Variants in LRRC4C observed in about 807,000 individuals in gnomAD.
The protein encoded by LRRC4C is leucine-rich repeat-containing protein 4C.
Under a neutral mutation model 33.6 loss-of-function variants are expected in LRRC4C, and 5 were observed. The observed-to-expected ratio is 0.15, with a 90% CI of 0.08 to 0.31. The LOEUF is 0.31. Ranked by LOEUF, LRRC4C falls within the 10% of genes least tolerant of loss-of-function variation. LRRC4C has a pLI of 1.00. For missense variants in LRRC4C, 560 were observed against 796.7 expected (o/e 0.70, Z 3.58); for synonymous variants, 329 against 302.0 (o/e 1.09, Z -0.93).
intron 4 of LRRC4C, among the ~76,000 whole-genome samples, chr11:40,308,350 C>T (rs748664086): frequency 6.6e-6 from 1 of 152,158 alleles, no homozygotes; most frequent in Non-Finnish European, 1.5e-5. Flanking sequence ...GATTAAAGAT[C>T]CAACATTAAC....
At chr11:40,703,556 A>G (rs867639832) in intron 2 of LRRC4C, among the ~76,000 whole-genome samples, 1 of 152,102 alleles carries the variant, frequency 6.6e-6, no homozygotes, top group Admixed American at 6.6e-5. Context: ...GTGAGACCCT[A>G]TCTCAAAAGA....
At chr11:40,509,510 ATT>A (rs1011271752) in intron 3 of LRRC4C, among the ~76,000 whole-genome samples, 1 of 150,126 alleles carries the variant, frequency 6.7e-6, no homozygotes, top group Non-Finnish European at 1.5e-5. Context: ...TTATTTATTT[ATT>A]TTTTTTTGCG....
intron 3 of LRRC4C, among the ~76,000 whole-genome samples, chr11:40,431,337 G>A (rs990035365): frequency 2.7e-5 from 4 of 146,966 alleles, no homozygotes; most frequent in Non-Finnish European, 4.5e-5. Flanking sequence ...AGAGGTTGCA[G>A]TGAGCCAACA....
At chr11:41,046,142 A>G (rs1006120533) in intron 1 of LRRC4C, among the ~76,000 whole-genome samples, 1 of 152,156 alleles carries the variant, frequency 6.6e-6, no homozygotes, top group Admixed American at 6.5e-5. Context: ...ATGCTAATAA[A>G]GGAATAACTC....
chr11:40,546,084 A>T (rs77261540), intron 3 of LRRC4C, among the ~76,000 whole-genome samples: 8,119 of 134,984 alleles, frequency 0.06, 256 homozygotes, highest in East Asian at 0.089. Context: ...CTTCCTTCCT[A>T]CCTTCCTTCC....
intron 1 of LRRC4C, among the ~76,000 whole-genome samples, chr11:41,164,060 C>T (rs1481011034): frequency 6.6e-6 from 1 of 152,084 alleles, no homozygotes; most frequent in African/African-American, 2.4e-5. Flanking sequence ...TCACCTCAAA[C>T]ATTTATCAAT....
intron 3 of LRRC4C, among the ~76,000 whole-genome samples, chr11:40,369,036 A>T (rs1359938791): frequency 6.6e-6 from 1 of 152,222 alleles, no homozygotes; most frequent in Non-Finnish European, 1.5e-5. Flanking sequence ...TGGTTGATAC[A>T]TAATAAGGTA....
chr11:40,154,297 A>C lies in LRRC4C; in HGVS notation c.-95-13444T>G, dbSNP rs951243658. Among the ~76,000 whole-genome samples the C allele has an allele frequency of 9.3e-4, 141 of 151,730 alleles. 1 individual carries two copies. Among genetic ancestry groups the C allele is most frequent in the African/African-American group, 3.3e-3 (135 of 41,238 alleles). ...ATACAAGCTAAAAAGCAAAAAAAAAAAAAAAACAAAAAGCAAAGTACACAG... is the reference window on the plus strand; with the variant it reads ...ATACAAGCTAAAAAGCAAAAAAAAACAAAAAACAAAAAGCAAAGTACACAG... On this transcript the variant is annotated intron_variant, in intron 5 of 6. Coordinates refer to ENST00000528697, the MANE Select transcript of LRRC4C (RefSeq NM_001258419.2).
At chr11:40,226,814 T>C (rs779194315) in intron 5 of LRRC4C, among the ~76,000 whole-genome samples, 1 of 152,216 alleles carries the variant, frequency 6.6e-6, no homozygotes, top group Non-Finnish European at 1.5e-5. Context: ...CATATATACA[T>C]ATGTACATAT....
intron 2 of LRRC4C, among the ~76,000 whole-genome samples, chr11:40,746,146 A>G (rs897045413): frequency 6.6e-6 from 1 of 152,168 alleles, no homozygotes; most frequent in African/African-American, 2.4e-5. Flanking sequence ...GGAAAGGCTA[A>G]GCGAGAGACC....
At chr11:40,811,155 T>G (rs1951471255) in intron 2 of LRRC4C, among the ~76,000 whole-genome samples, 1 of 152,016 alleles carries the variant, frequency 6.6e-6, no homozygotes, top group African/African-American at 2.4e-5. Flanking sequence ...TTTCTTTTTC[T>G]TTTTTTTCCT....
At chr11:41,047,139 A>G (rs912700944) in intron 1 of LRRC4C, among the ~76,000 whole-genome samples, 1 of 152,112 alleles carries the variant, frequency 6.6e-6, no homozygotes, top group African/African-American at 2.4e-5. Context: ...TGAAGTCCAA[A>G]TATATATTAA....
intron 1 of LRRC4C, among the ~76,000 whole-genome samples, chr11:41,008,149 C>T (rs1854904892): frequency 6.6e-6 from 1 of 152,054 alleles, no homozygotes; most frequent in Admixed American, 6.6e-5. Context: ...TCCAAGCCAC[C>T]AGCCTCTTCC....
intron 1 of LRRC4C, among the ~76,000 whole-genome samples, chr11:41,373,577 T>C (rs1434991119): frequency 1.3e-5 from 2 of 152,162 alleles, no homozygotes; most frequent in African/African-American, 4.8e-5. Context: ...CATGGCTATC[T>C]CAAAATAATA....
chr11:41,342,820 A>G (rs943095490), intron 1 of LRRC4C, among the ~76,000 whole-genome samples: 7 of 152,224 alleles, frequency 4.6e-5, no homozygotes, highest in Non-Finnish European at 7.4e-5. Flanking sequence ...GCTGTAAAAA[A>G]GTACCACAGA....
At chr11:41,010,546 G>A (rs1342075948) in intron 1 of LRRC4C, among the ~76,000 whole-genome samples, 1 of 152,182 alleles carries the variant, frequency 6.6e-6, no homozygotes, top group Non-Finnish European at 1.5e-5. Context: ...AACAAAGGAT[G>A]TAGCCAGAAG....
chr11:41,008,622 A>C (rs2137491979), intron 1 of LRRC4C, among the ~76,000 whole-genome samples: 1 of 152,056 alleles, frequency 6.6e-6, no homozygotes, highest in South Asian at 2.1e-4. Flanking sequence ...GGTTTTCCTA[A>C]TCTCAGCACC....
At chr11:40,597,358 G>A (rs553030029) in intron 3 of LRRC4C, among the ~76,000 whole-genome samples, 1 of 151,926 alleles carries the variant, frequency 6.6e-6, no homozygotes, top group African/African-American at 2.4e-5. Flanking sequence ...AGATTTGACT[G>A]GACTCTAAAT....
intron 3 of LRRC4C, among the ~76,000 whole-genome samples, chr11:40,641,883 T>C (rs1434495210): frequency 1.3e-5 from 2 of 152,222 alleles, no homozygotes; most frequent in Non-Finnish European, 2.9e-5. Context: ...TGGAAAGTCA[T>C]TGTTTATGTG....
Sources: gnomAD v4.1 joint callset for allele counts (sites outside exome capture counted in the v4.1 genomes callset) on GRCh38, gnomAD v4.1.1 for gene constraint, MANE v1.5 for transcripts, NCBI Gene and HGNC (gene_info 2026-07-23, HGNC 2026-07-21) for gene names.